The following UPF3B variants were observed in gnomAD, a reference collection of about 807,000 sequenced individuals.
UPF3B encodes the protein regulator of nonsense transcripts 3B.
In UPF3B, 7 loss-of-function variants were observed where a neutral mutation model predicts 40.3. That is an observed-to-expected ratio of 0.17 (90% confidence interval 0.10 to 0.33). The LOEUF is 0.33. Among genes scored for constraint, UPF3B ranks in the 10% least tolerant of loss-of-function variants. The probability of loss-of-function intolerance (pLI) is 1.00; values close to 1 mark genes in which losing one functional copy is unlikely to be tolerated. For synonymous variants in UPF3B, 117 were observed against 117.3 expected (o/e 1.00, Z 0.01); for missense variants, 229 against 358.9 (o/e 0.64, Z 2.93).
chrX:119,848,572 T>G (rs891719116), intron 3 of UPF3B, among the ~76,000 whole-genome samples: 1 of 111,849 alleles, frequency 8.9e-6, no homozygotes, highest in East Asian at 2.8e-4. Flanking sequence ...TTAATGCTAC[T>G]GAACTGTACA....
At chrX:119,807,027 TAAAAAAAAAAAAAAAAAA>T (rs1191950024) in intron 6 of UPF3B, among the ~76,000 whole-genome samples, 1 of 21,419 alleles carries the variant, frequency 4.7e-5, no homozygotes, top group Non-Finnish European at 8.8e-5. Context: ...AGACCCTGTC[TAAAAAAAAAAAAAAAAAA>T]AAAAAAGAAA....
intron 8 of UPF3B, among the ~76,000 whole-genome samples, chrX:119,839,944 G>A (rs1304130004): frequency 2.7e-5 from 3 of 111,348 alleles, no homozygotes; most frequent in African/African-American, 9.8e-5. Context: ...TTGCTGGAAA[G>A]AATTAAGATG....
rs2056214024 is a variant in UPF3B at position 119,845,315 on chromosome X, C to A, written c.371-19G>T. The A allele has an allele frequency of 1.8e-6, 2 of 1,130,672 alleles. No homozygotes were observed. The highest frequency in any genetic ancestry group is 2.4e-6 in the Non-Finnish European group (2 of 825,467). The allele number at this position is 1,130,672 out of a possible 1,213,427, so 93.2% of individuals were successfully genotyped here. ...TCCTGACCTGTTTAGAAAAAAAATA[C>A]CACACTTGCTATAACAAAGAAAATG... On this transcript the variant is annotated intron_variant, in intron 3 of 10. Coordinates refer to ENST00000276201, the MANE Select transcript of UPF3B (RefSeq NM_080632.3).
intron 6 of UPF3B, among the ~76,000 whole-genome samples, chrX:119,807,078 G>A (rs1479914456): frequency 9.5e-6 from 1 of 105,253 alleles, no homozygotes; most frequent in Non-Finnish European, 1.9e-5. Context: ...AATTCAACTC[G>A]GGATGAACAA....
chrX:119,823,894 G>A (rs2055952147), intron 3 of UPF3B, among the ~76,000 whole-genome samples: 1 of 111,354 alleles, frequency 9.0e-6, no homozygotes, highest in Non-Finnish European at 1.9e-5. Flanking sequence ...TGGCCTCAAA[G>A]TGATCCTCTT....
At chrX:119,813,722 C>T (rs971009754) in intron 5 of UPF3B, among the ~76,000 whole-genome samples, 10 of 109,246 alleles carry the variant, frequency 9.2e-5, no homozygotes, top group Non-Finnish European at 1.1e-4. Flanking sequence ...CCACCATGCC[C>T]GGTTAATTTT....
intron 4 of UPF3B, among the ~76,000 whole-genome samples, chrX:119,816,033 C>T (rs964377472): frequency 9.0e-6 from 1 of 111,421 alleles, no homozygotes; most frequent in Non-Finnish European, 1.9e-5. Context: ...CCACCTGCCT[C>T]GGCCTCCCAA....
chrX:119,852,039 T>A (rs753393208), intron 1 of UPF3B, among the ~76,000 whole-genome samples, 166 bp from the exon 2 acceptor site: 7 of 109,282 alleles, frequency 6.4e-5, no homozygotes, highest in Non-Finnish European at 1.3e-4. Context: ...TAGTCAAACA[T>A]AATAGTAACG....
At chrX:119,840,404 G>A (rs1435673704) in intron 8 of UPF3B, among the ~76,000 whole-genome samples, 1 of 111,660 alleles carries the variant, frequency 9.0e-6, no homozygotes, top group Non-Finnish European at 1.9e-5. Flanking sequence ...AGGCATGGTT[G>A]TCCTCTGGCT....
chrX:119,823,667 G>A (rs1391930408), intron 3 of UPF3B, among the ~76,000 whole-genome samples: 8 of 103,113 alleles, frequency 7.8e-5, no homozygotes, highest in Non-Finnish European at 1.6e-4. Context: ...CAGTTCAAGC[G>A]ATTCTCCTGC....
chrX:119,813,205 G>A (rs776639681), intron 5 of UPF3B, among the ~76,000 whole-genome samples: 65 of 111,658 alleles, frequency 5.8e-4, no homozygotes, highest in Non-Finnish European at 1.1e-3. Context: ...GTTCTTATGG[G>A]ACAAGAATAG....
downstream of UPF3B, among the ~76,000 whole-genome samples, chrX:119,832,926 C>T (rs2056051565): frequency 8.9e-6 from 1 of 112,010 alleles, no homozygotes; most frequent in South Asian, 3.7e-4. Flanking sequence ...CGTATGCATG[C>T]TGTGGAGGGT....
At chrX:119,841,029 T>A in intron 7 of UPF3B, 47 bp downstream of exon 7, 1 of 1,185,016 alleles carries the variant, frequency 8.4e-7, no homozygotes, top group Non-Finnish European at 1.1e-6. Context: ...AAGAAGTAGA[T>A]ACGTGCAATT....
chrX:119,849,816 T>C (rs760482666), intron 3 of UPF3B, among the ~76,000 whole-genome samples: 3 of 111,302 alleles, frequency 2.7e-5, no homozygotes, highest in South Asian at 7.4e-4. Flanking sequence ...AGTGGTTGTC[T>C]AGGCATTAAG....
intron 6 of UPF3B, among the ~76,000 whole-genome samples, chrX:119,807,035 AAAAAAAAAAAAAAAAAG>A (rs1165145362): frequency 3.1e-5 from 3 of 98,085 alleles, no homozygotes; most frequent in Non-Finnish European, 2.0e-5. Flanking sequence ...TCTAAAAAAA[AAAAAAAAAAAAAAAAAG>A]AAAAAAAAAA....
intron 3 of UPF3B, among the ~76,000 whole-genome samples, chrX:119,824,849 C>T (rs1348415859): frequency 7.6e-5 from 8 of 104,687 alleles, no homozygotes; most frequent in Non-Finnish European, 1.4e-4. Context: ...TCACTGCAAC[C>T]GCCGCCTCCT....
At position 119,852,903 on chromosome X, in the gene UPF3B, G is replaced by A. The variant is rs760862595; in HGVS notation, c.26C>T (p.Pro9Leu). Residue 9 changes from proline (P) to leucine (L), a missense_variant, in exon 1 of 11, where the codon CCT becomes CTT. Pro to Leu is a moderately conservative substitution (Grantham distance 98). Transcript: ENST00000276201. Reference sequence around the variant, plus strand: ...TAACAGGGTTACTCGCTTCTCCTTAGGCCTGTGCTCCTTCTCTTCCTTCAT... The same window carrying A: ...TAACAGGGTTACTCGCTTCTCCTTAAGCCTGTGCTCCTTCTCTTCCTTCAT... MKEEKEHR[P>L]KEKRVTLLTP... 1 of 1,212,353 alleles carries A rather than the reference G, an allele frequency of 8.2e-7. No homozygotes were observed. The highest frequency in any genetic ancestry group is 1.1e-6 in the Non-Finnish European group (1 of 895,643).
chrX:119,819,777 C>T (rs2055895086), intron 4 of UPF3B, among the ~76,000 whole-genome samples: 1 of 110,041 alleles, frequency 9.1e-6, no homozygotes, highest in Non-Finnish European at 1.9e-5. Flanking sequence ...GTGGATCTTA[C>T]GATGAGAAGT....
At chrX:119,827,105 TGA>T (rs1569460031) in intron 3 of UPF3B, among the ~76,000 whole-genome samples, 1 of 111,976 alleles carries the variant, frequency 8.9e-6, no homozygotes, top group Non-Finnish European at 1.9e-5. Context: ...AGAGCAATTT[TGA>T]GAGTTTCCAT....
Sources: gnomAD v4.1 joint callset for allele counts (sites outside exome capture counted in the v4.1 genomes callset) on GRCh38, gnomAD v4.1.1 for gene constraint, MANE v1.5 for transcripts, NCBI Gene and HGNC (gene_info 2026-07-23, HGNC 2026-07-21) for gene names.